EFNA3: variants seen among roughly 807,000 people sequenced by gnomAD.
EFNA3 encodes the protein ephrin-A3.
Under a neutral mutation model 25.0 loss-of-function variants are expected in EFNA3, and 15 were observed. The observed-to-expected ratio is 0.60, with a 90% CI of 0.40 to 0.92. The LOEUF is 0.92. EFNA3 is among the 40% of genes least tolerant of loss of function. The pLI is 0.00. For missense variants in EFNA3, 298 were observed against 323.8 expected (o/e 0.92, Z 0.61); for synonymous variants, 153 against 145.6 (o/e 1.05, Z -0.37).
intron 1 of EFNA3, among the ~76,000 whole-genome samples, chr1:155,084,859 C>T (rs72702272): frequency 6.6e-6 from 1 of 152,210 alleles, no homozygotes; most frequent in Non-Finnish European, 1.5e-5. Context: ...GCCTTTGCTA[C>T]CCTCTGGTGG....
At position 155,080,858 on chromosome 1, in the gene EFNA3, C is replaced by T. The variant is rs1571661522; in HGVS notation, c.128+1789C>T. On this transcript the variant is annotated intron_variant, in intron 1 of 4. Coordinates refer to ENST00000368408, the MANE Select transcript of EFNA3 (RefSeq NM_004952.5). The surrounding 1 kb of genome is among the most constrained non-coding windows in gnomAD (Gnocchi z 7.0). Reference sequence around the variant, plus strand: ...GGCCAGGAGGCTGCCGCCGCCCCCGCCTCGCTTCCCGGGCCTTTGTTGCCG... The same window carrying T: ...GGCCAGGAGGCTGCCGCCGCCCCCGTCTCGCTTCCCGGGCCTTTGTTGCCG... Among the ~76,000 whole-genome samples, 2 of 152,280 alleles carry T rather than the reference C, an allele frequency of 1.3e-5. No individual in the cohort carries two copies. The highest frequency in any genetic ancestry group is 1.3e-4 in the Admixed American group (2 of 15,312).
intron 1 of EFNA3, among the ~76,000 whole-genome samples, chr1:155,083,888 G>A (rs950145552): frequency 6.6e-6 from 1 of 152,176 alleles, no homozygotes; most frequent in African/African-American, 2.4e-5. Context: ...GCCAAGATAT[G>A]TGCATTCTTA....
At position 155,080,295 on chromosome 1, in the gene EFNA3, C is replaced by A. The variant is rs1003687913; in HGVS notation, c.128+1226C>A. ...ACCTCTCGGAGGAGGGGCTGCCGCT[C>A]GCCGCTCCGCTCTTTGTTGTTTGGG... On this transcript the variant is annotated intron_variant, in intron 1 of 4. Transcript: ENST00000368408. This position sits in a 1 kb window ranked among gnomAD's most constrained non-coding sequence, Gnocchi z 7.0. 6.6e-6 allele frequency among the ~76,000 whole-genome samples: 1 copy of A among 152,152 alleles called. No homozygotes were observed. Among genetic ancestry groups the A allele is most frequent in the Non-Finnish European group, 1.5e-5 (1 of 68,010 alleles).
rs1571665474 is a variant in EFNA3, at chr1:155,086,788, C to T, written c.*245C>T. ...CTTGTGGCTCTGGTAATGTTTGGTACCAAACTTGGGGGCCAAAAAGGGCAG... is the reference window on the plus strand; with the variant it reads ...CTTGTGGCTCTGGTAATGTTTGGTATCAAACTTGGGGGCCAAAAAGGGCAG... On this transcript the variant is annotated 3_prime_UTR_variant, in exon 5 of 5. Coordinates refer to ENST00000368408, the MANE Select transcript of EFNA3 (RefSeq NM_004952.5). 2 of 491,454 alleles carry T rather than the reference C, an allele frequency of 4.1e-6. No individual in the cohort carries two copies. Among genetic ancestry groups the T allele is most frequent in the Non-Finnish European group, 7.2e-6 (2 of 277,670 alleles). The allele number at this position is 491,454 out of a possible 1,614,324, so 30.4% of individuals were successfully genotyped here. A position where few individuals can be genotyped will look rare whatever the true frequency, so the allele number is the denominator to read the frequency against.
rs1332448026 is a variant in EFNA3 at position 155,085,740 on chromosome 1, C to A, written c.443-137C>A. On this transcript the variant is annotated intron_variant, in intron 2 of 4. Transcript: ENST00000368408. The surrounding 1 kb of genome is among the most constrained non-coding windows in gnomAD (Gnocchi z 4.4). ...GGCCGACGGCAGAGCTAAAGTGACC[C>A]GTGTCCAAAGGGTAGGGGAGCTCCT... is the stretch of plus-strand genomic sequence containing the variant. 9 of 1,011,938 alleles carry A rather than the reference C, an allele frequency of 8.9e-6. No homozygotes were observed. The highest frequency in any genetic ancestry group is 1.3e-5 in the Non-Finnish European group (9 of 680,104). 62.7% of individuals were successfully genotyped at this position (1,011,938 alleles called of 1,614,324 possible).
At chr1:155,086,306 T>C in intron 4 of EFNA3, 101 bp downstream of exon 4, 1 of 1,595,424 alleles carries the variant, frequency 6.3e-7, no homozygotes, top group Non-Finnish European at 8.6e-7. Context: ...CACTGATACT[T>C]CCTACCCTGT....
chr1:155,082,701 G>T (rs539187089), intron 1 of EFNA3, among the ~76,000 whole-genome samples: 1 of 152,340 alleles, frequency 6.6e-6, no homozygotes, highest in East Asian at 1.9e-4. Context: ...GAAGGGGCAG[G>T]GCACAACCCG....
intron 1 of EFNA3, 91 bp from the exon 2 acceptor site, chr1:155,085,000 C>T (rs1663422449): frequency 2.1e-6 from 3 of 1,446,476 alleles, no homozygotes; most frequent in African/African-American, 2.8e-5. Flanking sequence ...GAAGGCTACG[C>T]GGACCCTGGG....
In EFNA3 at chr1:155,086,565, G is replaced by T. The variant is rs1663469382; in HGVS notation, c.*22G>T. ...CTAGCTCTGCCCCCTCCCCTGGGGG[G>T]GGAGAGATGGGGCGGGGCTTGGAAG... On this transcript the variant is annotated 3_prime_UTR_variant, in exon 5 of 5. Coordinates refer to ENST00000368408, the MANE Select transcript of EFNA3 (RefSeq NM_004952.5). The T allele has an allele frequency of 6.2e-7, 1 of 1,612,238 alleles. No individual in the cohort carries two copies.
Position 155,085,487 on chromosome 1 carries a change from C to A in EFNA3, c.442+83C>A. The A allele has an allele frequency of 4.2e-6, 6 of 1,433,026 alleles. No homozygotes were observed. Among genetic ancestry groups the A allele is most frequent in the Non-Finnish European group, 5.5e-6 (6 of 1,085,394 alleles). The allele number at this position is 1,433,026 out of a possible 1,614,324, so 88.8% of individuals were successfully genotyped here. On this transcript the variant is annotated intron_variant, in intron 2 of 4. Coordinates refer to ENST00000368408, the MANE Select transcript of EFNA3 (RefSeq NM_004952.5). This position sits in a 1 kb window ranked among gnomAD's most constrained non-coding sequence, Gnocchi z 4.4. ...GGGGTGGAGCCCCTAGGCTCCGGGG[C>A]GGGGCCGGCGCGGCGGGCGCCAGGT...
In EFNA3 at chr1:155,085,640, T is replaced by C. The variant is rs1202632863; in HGVS notation, c.442+236T>C. On this transcript the variant is annotated intron_variant, in intron 2 of 4. Coordinates refer to ENST00000368408, the MANE Select transcript of EFNA3 (RefSeq NM_004952.5). The surrounding 1 kb of genome is among the most constrained non-coding windows in gnomAD (Gnocchi z 4.4). ...GTTTGGGCTGCGGAGAATCGCTGTT[T>C]CTGTGAGGGACATTCCGGGGTTGGA... 1.0e-5 allele frequency: 7 copies of C among 683,826 alleles called. No homozygotes were observed. The highest frequency in any genetic ancestry group is 5.4e-5 in the African/African-American group (3 of 55,288). 42.4% of individuals were successfully genotyped at this position (683,826 alleles called of 1,614,324 possible). A position where few individuals can be genotyped will look rare whatever the true frequency, so the allele number is the denominator to read the frequency against.
chr1:155,085,042 G>A lies in EFNA3; in HGVS notation c.129-49G>A. 4 of 1,594,352 alleles carry A rather than the reference G, an allele frequency of 2.5e-6. No homozygotes were observed. The highest frequency in any genetic ancestry group is 3.4e-6 in the Non-Finnish European group (4 of 1,169,734). On this transcript the variant is annotated intron_variant, in intron 1 of 4. Coordinates refer to ENST00000368408, the MANE Select transcript of EFNA3 (RefSeq NM_004952.5). The surrounding 1 kb of genome is among the most constrained non-coding windows in gnomAD (Gnocchi z 4.4). Reference sequence around the variant, plus strand: ...CTGCGGAGCGGTCAGATGGAAAGCGGCTTTGCTCTGGGGTTTCTTCTCTCT... The same window carrying A: ...CTGCGGAGCGGTCAGATGGAAAGCGACTTTGCTCTGGGGTTTCTTCTCTCT...
In EFNA3 at chr1:155,085,371, G is replaced by T. The variant is rs978312203; in HGVS notation, c.409G>T (p.Glu137Ter). 2 of 1,611,068 alleles carry T rather than the reference G, an allele frequency of 1.2e-6. No individual in the cohort carries two copies. Among genetic ancestry groups the T allele is most frequent in the African/African-American group, 1.3e-5 (1 of 75,010 alleles). Residue 137 changes from glutamate (E) to a stop codon, truncating the protein, a stop_gained, in exon 2 of 5, where the codon GAG becomes TAG. Coordinates refer to ENST00000368408, the MANE Select transcript of EFNA3 (RefSeq NM_004952.5). LOFTEE classifies it high-confidence loss of function. The surrounding 1 kb of genome is among the most constrained non-coding windows in gnomAD (Gnocchi z 4.4). Reference sequence around the variant, plus strand: ...CTACAGCGCCTTCTCTCTGGGCTACGAGTTCCACGCCGGCCACGAGTACTA... The same window carrying T: ...CTACAGCGCCTTCTCTCTGGGCTACTAGTTCCACGCCGGCCACGAGTACTA... The part of the protein sequence containing the change: ...QRYSAFSLGY[E>*]FHAGHEYYYI...
In EFNA3 at chr1:155,080,812, G is replaced by C. The variant is rs1472353013; in HGVS notation, c.128+1743G>C. ...CTCCGTGCGGGCCTGGGCCGGCAGAGGTAGGAGGGGGCGCACACCGGGCCA... is the reference window on the plus strand; with the variant it reads ...CTCCGTGCGGGCCTGGGCCGGCAGACGTAGGAGGGGGCGCACACCGGGCCA... On this transcript the variant is annotated intron_variant, in intron 1 of 4. Coordinates refer to ENST00000368408, the MANE Select transcript of EFNA3 (RefSeq NM_004952.5). This position sits in a 1 kb window ranked among gnomAD's most constrained non-coding sequence, Gnocchi z 7.0. Among the ~76,000 whole-genome samples, 1 of 152,180 alleles carries C rather than the reference G, an allele frequency of 6.6e-6. No individual in the cohort carries two copies. Among genetic ancestry groups the C allele is most frequent in the Admixed American group, 6.5e-5 (1 of 15,288 alleles).
chr1:155,078,959 GC>G lies in EFNA3; in HGVS notation c.19del (p.Leu7CysfsTer47). Reference protein sequence around the residue: MAAAPLLLLLLLVPVPL... With the variant: MAAAPLXLLLLLVPVPL... Reference sequence around the variant, plus strand: ...CTCCGGGGATGGCGGCGGCTCCGCTGCTGCTGCTGCTGCTGCTCGTGCCCGT... The same window carrying G: ...CTCCGGGGATGGCGGCGGCTCCGCTGTGCTGCTGCTGCTGCTCGTGCCCGT... On this transcript the variant is annotated frameshift_variant, in exon 1 of 5. Coordinates refer to ENST00000368408, the MANE Select transcript of EFNA3 (RefSeq NM_004952.5). LOFTEE classifies it high-confidence loss of function. 7.0e-7 allele frequency: 1 copy of G among 1,419,246 alleles called. No individual in the cohort carries two copies. The highest frequency in any genetic ancestry group is 1.5e-5 in the South Asian group (1 of 65,708). The allele number at this position is 1,419,246 out of a possible 1,614,324, so 87.9% of individuals were successfully genotyped here.
Position 155,086,103 on chromosome 1 carries a change from TCCCCACCCGCA to T in EFNA3, c.509-16_509-6del. 8 of 1,577,542 alleles carry T rather than the reference TCCCCACCCGCA, an allele frequency of 5.1e-6. No homozygotes were observed. The highest frequency in any genetic ancestry group is 6.1e-6 in the Non-Finnish European group (7 of 1,151,682). On this transcript the variant is annotated splice_polypyrimidine_tract_variant and intron_variant, in intron 3 of 4. Transcript: ENST00000368408. ...CTGGCCCTGACTCTCCCCTCCTCTC[TCCCCACCCGCA>T]CCCCACCCCGCAGCATCGCACTCCG...
rs764430483 is a variant in EFNA3 at position 155,085,914 on chromosome 1, G to A, written c.480G>A (p.Arg160=). 2 of 1,613,124 alleles carry A rather than the reference G, an allele frequency of 1.2e-6. No individual in the cohort carries two copies. Among genetic ancestry groups the A allele is most frequent in the East Asian group, 2.2e-5 (1 of 44,800 alleles). ...ACAACCTGCACTGGAAGTGTCTGAG[G>A]ATGAAGGTGTTCGTCTGCTGCGCCT... ...PTHNLHWKCL[R]MKVFVCCAST... The change falls in exon 3 of 5, where the codon AGG becomes AGA. Residue 160 remains arginine, a synonymous_variant. Transcript: ENST00000368408. The surrounding 1 kb of genome is among the most constrained non-coding windows in gnomAD (Gnocchi z 4.4).
intron 3 of EFNA3, 28 bp from the exon 4 acceptor site, chr1:155,086,100 C>G: frequency 6.2e-7 from 1 of 1,603,246 alleles, no homozygotes; most frequent in Non-Finnish European, 8.5e-7. Flanking sequence ...CTCCCCTCCT[C>G]TCTCCCCACC....
Position 155,085,008 on chromosome 1 carries a change from G to C in EFNA3, c.129-83G>C, listed in dbSNP as rs1282180417. 3.4e-6 allele frequency: 5 copies of C among 1,490,978 alleles called. No individual in the cohort carries two copies. Among genetic ancestry groups the C allele is most frequent in the East Asian group, 2.3e-5 (1 of 43,982 alleles). The allele number at this position is 1,490,978 out of a possible 1,614,324, so 92.4% of individuals were successfully genotyped here. A position where few individuals can be genotyped will look rare whatever the true frequency, so the allele number is the denominator to read the frequency against. ...AAAGTCGGAAGGCTACGCGGACCCT[G>C]GGGAGGGGCTGCGGAGCGGTCAGAT... On this transcript the variant is annotated intron_variant, in intron 1 of 4. Transcript: ENST00000368408. The surrounding 1 kb of genome is among the most constrained non-coding windows in gnomAD (Gnocchi z 4.4).
Sources: gnomAD v4.1 joint callset for allele counts (sites outside exome capture counted in the v4.1 genomes callset) on GRCh38, gnomAD v4.1.1 for gene constraint, Gnocchi (gnomAD v3.1) non-coding constraint, MANE v1.5 for transcripts, NCBI Gene and HGNC (gene_info 2026-07-23, HGNC 2026-07-21) for gene names.